The following FAM174A variants were observed in gnomAD, a reference collection of about 807,000 sequenced individuals.
FAM174A encodes the protein family with sequence similarity 174 member A, also known as membrane protein FAM174A.
Under a neutral mutation model 14.3 loss-of-function variants are expected in FAM174A, and 14 were observed. The ratio of observed to expected loss-of-function variants is 0.98; its 90% CI spans 0.65 to 1.53. The LOEUF is 1.53. Ranked by LOEUF, FAM174A falls within the 40% of genes most tolerant of loss-of-function variation. The pLI is 0.00. For missense variants in FAM174A, 241 were observed against 249.6 expected (o/e 0.97, Z 0.23); for synonymous variants, 108 against 111.4 (o/e 0.97, Z 0.19).
intron 2 of FAM174A, among the ~76,000 whole-genome samples, chr5:100,567,738 G>C (rs1746693961): frequency 6.6e-6 from 1 of 151,478 alleles, no homozygotes; most frequent in Non-Finnish European, 1.5e-5. Flanking sequence ...CTCATAATTA[G>C]ATTCAGGTTC....
At chr5:100,557,929 C>T (rs1746429838) in intron 1 of FAM174A, among the ~76,000 whole-genome samples, 1 of 152,064 alleles carries the variant, frequency 6.6e-6, no homozygotes, top group East Asian at 1.9e-4. Flanking sequence ...TTTTATGTCT[C>T]TATTTCCTTC....
At position 100,535,569 on chromosome 5, in the gene FAM174A, C is replaced by G; in HGVS notation, c.39C>G (p.Leu13=). The change falls in exon 1 of 3, where the codon CTC becomes CTG. Residue 13 remains leucine (L), a synonymous_variant. Coordinates refer to ENST00000312637, the MANE Select transcript of FAM174A (RefSeq NM_198507.3). ...AGTGCTGCTGCTGTCTCAGCCACCTCTTGGCTTCCGTCCTCCTCCTGCTGT... is the reference window on the plus strand; with the variant it reads ...AGTGCTGCTGCTGTCTCAGCCACCTGTTGGCTTCCGTCCTCCTCCTGCTGT... The part of the protein sequence containing the change: ...ASQCCCCLSH[L]LASVLLLLLL... 1.2e-6 allele frequency: 2 copies of G among 1,613,256 alleles called. No individual in the cohort carries two copies. Among genetic ancestry groups the G allele is most frequent in the Non-Finnish European group, 1.7e-6 (2 of 1,179,970 alleles).
intron 2 of FAM174A, among the ~76,000 whole-genome samples, chr5:100,573,970 T>G (rs1227966387): frequency 1.3e-5 from 2 of 152,158 alleles, no homozygotes; most frequent in South Asian, 2.1e-4. Context: ...TTTTTTTTTC[T>G]TAATAGAATG....
chr5:100,575,501 G>C (rs1052385471), intron 2 of FAM174A, among the ~76,000 whole-genome samples: 6 of 152,076 alleles, frequency 3.9e-5, no homozygotes, highest in Non-Finnish European at 5.9e-5. Flanking sequence ...AACATGCGGT[G>C]TTTGGTTTTT....
intron 1 of FAM174A, among the ~76,000 whole-genome samples, chr5:100,540,879 A>G (rs1746035271): frequency 6.6e-6 from 1 of 152,180 alleles, no homozygotes; most frequent in African/African-American, 2.4e-5. Flanking sequence ...AATGCCACAT[A>G]TAGACATTGA....
At position 100,579,640 on chromosome 5, in the gene FAM174A, G is replaced by A. The variant is rs1746970831; in HGVS notation, c.570-6541G>A. ...GGGGTTTCACAATGTTGATCAGGCTGGTCCTGAATTCCTGACCTCAGGTAA... is the reference window on the plus strand; with the variant it reads ...GGGGTTTCACAATGTTGATCAGGCTAGTCCTGAATTCCTGACCTCAGGTAA... On this transcript the variant is annotated intron_variant, in intron 2 of 2. Transcript: ENST00000312637. Among the ~76,000 whole-genome samples the A allele has an allele frequency of 2.0e-5, 3 of 152,218 alleles. No homozygotes were observed. In the South Asian group the frequency reaches 6.2e-4, roughly 32 times the overall value.
intron 2 of FAM174A, among the ~76,000 whole-genome samples, chr5:100,582,566 T>G (rs543148729): frequency 2.6e-5 from 4 of 152,150 alleles, no homozygotes; most frequent in Admixed American, 1.3e-4. Flanking sequence ...TTAAATTAAG[T>G]AGTAGTAAAG....
chr5:100,560,665 G>A (rs535404821), intron 1 of FAM174A, among the ~76,000 whole-genome samples: 2 of 152,092 alleles, frequency 1.3e-5, no homozygotes, highest in South Asian at 4.1e-4. Flanking sequence ...TGTTTTCCAG[G>A]AGCTTCACTG....
At chr5:100,561,184 A>G (rs1746515373) in intron 1 of FAM174A, among the ~76,000 whole-genome samples, 7 of 152,018 alleles carry the variant, frequency 4.6e-5, no homozygotes, top group Admixed American at 4.6e-4. Context: ...GTAGGACTCT[A>G]AATCTTGAGA....
Position 100,578,732 on chromosome 5 carries a change from CAT to C in FAM174A, c.570-7448_570-7447del, listed in dbSNP as rs568705892. Among the ~76,000 whole-genome samples, 604 of 152,300 alleles carry C rather than the reference CAT, an allele frequency of 4.0e-3. 2 individuals carry two copies. Among genetic ancestry groups the C allele is most frequent in the African/African-American group, 6.2e-3 (258 of 41,576 alleles). On this transcript the variant is annotated intron_variant, in intron 2 of 2. Coordinates refer to ENST00000312637, the MANE Select transcript of FAM174A (RefSeq NM_198507.3). ...CCTCACAGTTAATAAAAACTCAACA[CAT>C]GTTTGGTGATTAAAAGAATGAATGT...
chr5:100,577,168 G>C (rs1010879312), intron 2 of FAM174A, among the ~76,000 whole-genome samples: 2 of 151,822 alleles, frequency 1.3e-5, no homozygotes, highest in Non-Finnish European at 1.5e-5. Context: ...GATATCACAA[G>C]TACCTTATAA....
intron 2 of FAM174A, among the ~76,000 whole-genome samples, chr5:100,572,576 T>C (rs958460950): frequency 9.2e-5 from 14 of 151,986 alleles, no homozygotes; most frequent in Non-Finnish European, 1.9e-4. Flanking sequence ...ACAAAGGACA[T>C]GAACTCATCA....
intron 1 of FAM174A, among the ~76,000 whole-genome samples, chr5:100,549,825 C>A (rs1746230737): frequency 6.6e-6 from 1 of 152,002 alleles, no homozygotes; most frequent in Admixed American, 6.6e-5. Flanking sequence ...AATCTGCGAA[C>A]TTCAACATGG....
chr5:100,557,287 C>A (rs1687989274), intron 1 of FAM174A, among the ~76,000 whole-genome samples: 2 of 151,934 alleles, frequency 1.3e-5, no homozygotes, highest in African/African-American at 4.8e-5. Flanking sequence ...GGATGAAGCC[C>A]ACTTGATCTT....
chr5:100,559,394 G>A (rs1177801079), intron 1 of FAM174A, among the ~76,000 whole-genome samples: 1 of 151,972 alleles, frequency 6.6e-6, no homozygotes, highest in East Asian at 1.9e-4. Flanking sequence ...TTCAACTTTG[G>A]TGAATCTGGC....
intron 1 of FAM174A, among the ~76,000 whole-genome samples, chr5:100,554,791 A>G (rs1454537969): frequency 1.3e-5 from 2 of 152,116 alleles, no homozygotes; most frequent in African/African-American, 4.8e-5. Context: ...CTATCTATCT[A>G]TCTATCAATC....
chr5:100,585,510 TTCAAGTGATTCTCCTGCC>T, intron 2 of FAM174A, among the ~76,000 whole-genome samples: 1 of 152,226 alleles, frequency 6.6e-6, no homozygotes, highest in Non-Finnish European at 1.5e-5. Flanking sequence ...GCCTCCCGAG[TTCAAGTGATTCTCCTGCC>T]TCAGCCTCCT....
At chr5:100,585,480 C>T (rs1747110497) in intron 2 of FAM174A, among the ~76,000 whole-genome samples, 1 of 152,170 alleles carries the variant, frequency 6.6e-6, no homozygotes, top group African/African-American at 2.4e-5. Flanking sequence ...GTGGCACAAT[C>T]TCTGCTAACT....
At chr5:100,547,880 T>A (rs2112370285) in intron 1 of FAM174A, among the ~76,000 whole-genome samples, 1 of 152,074 alleles carries the variant, frequency 6.6e-6, no homozygotes, top group South Asian at 2.1e-4. Flanking sequence ...TAGGCCTAGG[T>A]TTGGTTCACT....
Sources: gnomAD v4.1 joint callset for allele counts (sites outside exome capture counted in the v4.1 genomes callset) on GRCh38, gnomAD v4.1.1 for gene constraint, MANE v1.5 for transcripts, NCBI Gene and HGNC (gene_info 2026-07-23, HGNC 2026-07-21) for gene names.